Variants in KCNA2 observed in about 807,000 individuals in gnomAD.
KCNA2 encodes potassium channel, voltage gated shaker related subfamily A, member 2.
In KCNA2, 11 loss-of-function variants were observed where a neutral mutation model predicts 33.4. The observed-to-expected ratio is 0.33, with a 90% CI of 0.21 to 0.55. KCNA2 has a LOEUF of 0.55. Among genes scored for constraint, KCNA2 ranks in the 20% least tolerant of loss-of-function variants. KCNA2 has a pLI of 0.93. For synonymous variants in KCNA2, 222 were observed against 231.3 expected (o/e 0.96, Z 0.37); for missense variants, 291 against 621.6 (o/e 0.47, Z 5.66).
intron 1 of KCNA2, among the ~76,000 whole-genome samples, chr1:110,622,034 C>CA (rs1650271347): frequency 6.6e-6 from 1 of 152,066 alleles, no homozygotes; most frequent in South Asian, 2.1e-4. Context: ...CAAAACCAGA[C>CA]AAAAACATCA....
chr1:110,630,635 A>C (rs1650528314), intron 1 of KCNA2, among the ~76,000 whole-genome samples: 1 of 152,354 alleles, frequency 6.6e-6, no homozygotes, highest in Middle Eastern at 3.4e-3. Context: ...CACTGGGCGC[A>C]TGGTAGGCAT....
chr1:110,614,880 T>G (rs1649999186), intron 1 of KCNA2, among the ~76,000 whole-genome samples: 1 of 152,206 alleles, frequency 6.6e-6, no homozygotes, highest in Non-Finnish European at 1.5e-5. Context: ...ACTTTGCTGA[T>G]CCCCACATCA....
Position 110,596,797 on chromosome 1 carries a change from TC to T in KCNA2, c.*6485del, listed in dbSNP as rs1210599710. 2 of 985,310 alleles carry T rather than the reference TC, an allele frequency of 2.0e-6. No homozygotes were observed. Among genetic ancestry groups the T allele is most frequent in the Non-Finnish European group, 2.4e-6 (2 of 829,954 alleles). The allele number at this position is 985,310 out of a possible 1,614,324, so 61.0% of individuals were successfully genotyped here. A position where few individuals can be genotyped will look rare whatever the true frequency, so the allele number is the denominator to read the frequency against. On this transcript the variant is annotated 3_prime_UTR_variant, in exon 3 of 3. Coordinates refer to ENST00000316361, the MANE Select transcript of KCNA2 (RefSeq NM_004974.4). ...TCAGGATGTTCCTGTCCCTGAGGTT[TC>T]CCCATCAGTTAACTGAGGTTTTGCT...
In KCNA2 at chr1:110,605,680, C is replaced by G. The variant is rs755271769; in HGVS notation, c.-453G>C. 6.6e-6 allele frequency: 1 copy of G among 152,312 alleles called. No individual in the cohort carries two copies. Among genetic ancestry groups the G allele is most frequent in the African/African-American group, 2.4e-5 (1 of 41,436 alleles). 9.4% of individuals were successfully genotyped at this position (152,312 alleles called of 1,614,324 possible). ...GAAGGAGGCAAGATGCAAAGCTCAG[C>G]AAAAGCTGGAGTCCTGGCTGTCCTC... On this transcript the variant is annotated 5_prime_UTR_variant, in exon 2 of 3. Transcript: ENST00000316361.
chr1:110,615,646 G>A (rs570674135), intron 1 of KCNA2, among the ~76,000 whole-genome samples: 30 of 152,292 alleles, frequency 2.0e-4, no homozygotes, highest in African/African-American at 7.0e-4. Flanking sequence ...TTGGTGCTTC[G>A]ATCGACCCAA....
chr1:110,612,996 G>A (rs917934123), intron 1 of KCNA2, among the ~76,000 whole-genome samples: 15 of 152,188 alleles, frequency 9.9e-5, no homozygotes, highest in African/African-American at 3.6e-4. Context: ...CTGTAAAATG[G>A]GATTAATAAT....
upstream of KCNA2, chr1:110,607,576 C>G (rs1649717551): frequency 6.6e-6 from 1 of 152,244 alleles, no homozygotes; most frequent in Non-Finnish European, 1.5e-5. Flanking sequence ...GGAAAACATT[C>G]TTTGGCAGAG....
intron 1 of KCNA2, among the ~76,000 whole-genome samples, chr1:110,621,428 G>A (rs577716834): frequency 3.0e-4 from 45 of 152,170 alleles, no homozygotes; most frequent in Non-Finnish European, 5.3e-4. Context: ...CAATGACCTC[G>A]TTTCCAACTT....
In KCNA2 at chr1:110,598,353, A is replaced by T; in HGVS notation, c.*4930T>A. ...TGCCTGACATAGGGGTAGTGGTGCC[A>T]CCTTCATATGCAATTTGCACACTGT... is the stretch of plus-strand genomic sequence containing the variant. On this transcript the variant is annotated 3_prime_UTR_variant, in exon 3 of 3. Coordinates refer to ENST00000316361, the MANE Select transcript of KCNA2 (RefSeq NM_004974.4). The T allele has an allele frequency of 1.0e-6, 1 of 983,188 alleles. No individual in the cohort carries two copies. Among genetic ancestry groups the T allele is most frequent in the Non-Finnish European group, 1.2e-6 (1 of 827,968 alleles). 60.9% of individuals were successfully genotyped at this position (983,188 alleles called of 1,614,324 possible).
At chr1:110,606,530 G>C (rs1649634221), upstream of KCNA2, 1 of 152,266 alleles carries the variant, frequency 6.6e-6, no homozygotes, top group African/African-American at 2.4e-5. Context: ...ATTCCGTTCG[G>C]CGCACTCAGC....
Position 110,602,199 on chromosome 1 carries a change from T to TG in KCNA2, c.*1083dup, listed in dbSNP as rs1310202062. ...TTTAGAAGAACAGGGATAGGTAGGC[T>TG]GGGGGGCCAGAAGTTTTAGTTCCAT... On this transcript the variant is annotated 3_prime_UTR_variant, in exon 3 of 3. Coordinates refer to ENST00000316361, the MANE Select transcript of KCNA2 (RefSeq NM_004974.4). The TG allele has an allele frequency of 2.8e-5, 44 of 1,549,314 alleles. No homozygotes were observed. The highest frequency in any genetic ancestry group is 3.8e-5 in the Non-Finnish European group (44 of 1,146,546).
chr1:110,604,230 A>G lies in KCNA2; in HGVS notation c.553T>C (p.Leu185=), dbSNP rs1225252179. 2 of 1,614,206 alleles carry G rather than the reference A, an allele frequency of 1.2e-6. No homozygotes were observed. The highest frequency in any genetic ancestry group is 1.1e-5 in the South Asian group (1 of 91,084). Residue 185 remains leucine (L), a synonymous_variant, in exon 3 of 3, where the codon TTG becomes CTG. Coordinates refer to ENST00000316361, the MANE Select transcript of KCNA2 (RefSeq NM_004974.4). This position sits in a 1 kb window ranked among gnomAD's most constrained non-coding sequence, Gnocchi z 7.6. ...ISIVSFCLET[L]PIFRDENEDM... is the part of the protein sequence containing the mutation. ...TCATTCTCATCCCGGAAGATGGGCAATGTTTCCAGACAGAAGCTGACAATT... is the reference window on the plus strand; with the variant it reads ...TCATTCTCATCCCGGAAGATGGGCAGTGTTTCCAGACAGAAGCTGACAATT...
intron 1 of KCNA2, among the ~76,000 whole-genome samples, chr1:110,622,818 T>C (rs1175479690): frequency 2.0e-5 from 3 of 152,162 alleles, no homozygotes; most frequent in Non-Finnish European, 2.9e-5. Context: ...GAAACATTAA[T>C]GGTAGAAATG....
At position 110,601,164 on chromosome 1, in the gene KCNA2, A is replaced by G. The variant is rs181195344; in HGVS notation, c.*2119T>C. 7 of 985,474 alleles carry G rather than the reference A, an allele frequency of 7.1e-6. No homozygotes were observed. Among genetic ancestry groups the G allele is most frequent in the Non-Finnish European group, 8.4e-6 (7 of 829,982 alleles). The allele number at this position is 985,474 out of a possible 1,614,324, so 61.0% of individuals were successfully genotyped here. A position where few individuals can be genotyped will look rare whatever the true frequency, so the allele number is the denominator to read the frequency against. On this transcript the variant is annotated 3_prime_UTR_variant, in exon 3 of 3. Coordinates refer to ENST00000316361, the MANE Select transcript of KCNA2 (RefSeq NM_004974.4). ...ACCCATCCTTTGGTTCTTTTTAAAA[A>G]GCAGCTCTGGTTGCCAGTTTAATGG...
rs1352983224 is a variant in KCNA2, at chr1:110,597,306, G to C, written c.*5977C>G. 1.0e-6 allele frequency: 1 copy of C among 985,042 alleles called. No individual in the cohort carries two copies. Among genetic ancestry groups the C allele is most frequent in the African/African-American group, 1.7e-5 (1 of 57,218 alleles). 61.0% of individuals were successfully genotyped at this position (985,042 alleles called of 1,614,324 possible). A position where few individuals can be genotyped will look rare whatever the true frequency, so the allele number is the denominator to read the frequency against. On this transcript the variant is annotated 3_prime_UTR_variant, in exon 3 of 3. Transcript: ENST00000316361. The stretch of plus-strand genomic sequence containing the variant: ...TGCATGGAAATGATCTTCTGTAATG[G>C]CTCAGGATGCTTTATTCTTATCTAT...
chr1:110,601,707 C>G lies in KCNA2; in HGVS notation c.*1576G>C. 1 of 1,131,746 alleles carries G rather than the reference C, an allele frequency of 8.8e-7. No individual in the cohort carries two copies. Among genetic ancestry groups the G allele is most frequent in the Non-Finnish European group, 1.1e-6 (1 of 926,796 alleles). The allele number at this position is 1,131,746 out of a possible 1,614,324, so 70.1% of individuals were successfully genotyped here. On this transcript the variant is annotated 3_prime_UTR_variant, in exon 3 of 3. Coordinates refer to ENST00000316361, the MANE Select transcript of KCNA2 (RefSeq NM_004974.4). ...GGGGTTACCAATGAGACAAATTAAC[C>G]CATTAGGCCTCTTAGACAGCCAACC...
rs1375178551 is a variant in KCNA2 at position 110,595,276 on chromosome 1, T to G, written c.*8007A>C. 1.0e-6 allele frequency: 1 copy of G among 985,312 alleles called. No homozygotes were observed. The highest frequency in any genetic ancestry group is 1.7e-5 in the African/African-American group (1 of 57,216). 61.0% of individuals were successfully genotyped at this position (985,312 alleles called of 1,614,324 possible). On this transcript the variant is annotated 3_prime_UTR_variant, in exon 3 of 3. Coordinates refer to ENST00000316361, the MANE Select transcript of KCNA2 (RefSeq NM_004974.4). Reference sequence around the variant, plus strand: ...CTCATCTGGAACATATTAGACTATTTTAGGAGTGCAGAGGAGCACAGAAAG... The same window carrying G: ...CTCATCTGGAACATATTAGACTATTGTAGGAGTGCAGAGGAGCACAGAAAG...
rs1649130808 is a variant in KCNA2 at position 110,597,140 on chromosome 1, TTGAAAGAGA to T, written c.*6134_*6142del. ...CTTTGGTTGAGCAAGTCAGCTTATT[TTGAAAGAGA>T]GTCAGAGGGCAATTCCCAAATCTGC... On this transcript the variant is annotated 3_prime_UTR_variant, in exon 3 of 3. Coordinates refer to ENST00000316361, the MANE Select transcript of KCNA2 (RefSeq NM_004974.4). The T allele has an allele frequency of 2.6e-5, 26 of 985,426 alleles. No individual in the cohort carries two copies. Among genetic ancestry groups the T allele is most frequent in the Non-Finnish European group, 3.1e-5 (26 of 829,946 alleles). 61.0% of individuals were successfully genotyped at this position (985,426 alleles called of 1,614,324 possible).
At position 110,603,338 on chromosome 1, in the gene KCNA2, C is replaced by T. The variant is rs1290617182; in HGVS notation, c.1445G>A (p.Cys482Tyr). 14 of 1,613,578 alleles carry T rather than the reference C, an allele frequency of 8.7e-6. No individual in the cohort carries two copies. Among genetic ancestry groups the T allele is most frequent in the Non-Finnish European group, 9.3e-6 (11 of 1,179,858 alleles). The part of the protein sequence containing the change: ...FREENLKTAN[C>Y]TLANTNYVNI... ...CACATAGTTTGTGTTAGCCAAGGTA[C>T]AGTTGGCTGTTTTCAAGTTTTCCTC... The change falls in exon 3 of 3, where the codon TGT becomes TAT. Residue 482 changes from cysteine to tyrosine, a missense_variant. Coordinates refer to ENST00000316361, the MANE Select transcript of KCNA2 (RefSeq NM_004974.4). The surrounding 1 kb of genome is among the most constrained non-coding windows in gnomAD (Gnocchi z 5.7).
Sources: gnomAD v4.1 joint callset for allele counts (sites outside exome capture counted in the v4.1 genomes callset) on GRCh38, gnomAD v4.1.1 for gene constraint, Gnocchi (gnomAD v3.1) non-coding constraint, MANE v1.5 for transcripts, NCBI Gene and HGNC (gene_info 2026-07-23, HGNC 2026-07-21) for gene names.